MBD5: variants seen among roughly 807,000 people sequenced by gnomAD.
MBD5 encodes the protein methyl-CpG-binding domain protein 5.
Under a neutral mutation model 117.3 loss-of-function variants are expected in MBD5, and 13 were observed. That is an observed-to-expected ratio of 0.11 (90% CI 0.07 to 0.18). The LOEUF (loss-of-function observed/expected upper bound fraction) is 0.18. MBD5 is among the 10% of genes least tolerant of loss of function. The pLI, the probability that MBD5 is intolerant of heterozygous loss-of-function variation, is 1.00. For synonymous variants in MBD5, 727 were observed against 766.4 expected (o/e 0.95, Z 0.85); for missense variants, 1,879 against 2,093.8 (o/e 0.90, Z 2.00).
Position 148,275,701 on chromosome 2 carries a change from G to A in MBD5, c.-680+42306G>A, listed in dbSNP as rs556544788. Among the ~76,000 whole-genome samples, 109 of 151,924 alleles carry A rather than the reference G, an allele frequency of 7.2e-4. 1 individual carries two copies. Among genetic ancestry groups the A allele is most frequent in the African/African-American group, 2.3e-3 (96 of 41,476 alleles). ...CAGCAACATTTAGACTGGTGTTTGAGCAAGGAACTGTGCACCATAGCCTAG... is the reference window on the plus strand; with the variant it reads ...CAGCAACATTTAGACTGGTGTTTGAACAAGGAACTGTGCACCATAGCCTAG... On this transcript the variant is annotated intron_variant, in intron 3 of 13. Transcript: ENST00000642680.
At position 148,439,779 on chromosome 2, in the gene MBD5, G is replaced by A. The variant is rs80180243; in HGVS notation, c.-556-18424G>A. Reference sequence around the variant, plus strand: ...TTTAGAGATGCAGTTTAGCCCTGTCGCCCAACTGAAGTGCAGTGGTATGAT... The same window carrying A: ...TTTAGAGATGCAGTTTAGCCCTGTCACCCAACTGAAGTGCAGTGGTATGAT... On this transcript the variant is annotated intron_variant, in intron 4 of 13. Transcript: ENST00000642680. 1.2e-4 allele frequency among the ~76,000 whole-genome samples: 16 copies of A among 136,720 alleles called. No individual in the cohort carries two copies. The East Asian group carries it at 2.1e-3, about 18-fold the overall frequency. 89.7% of individuals were successfully genotyped at this position (136,720 alleles called of 152,430 possible).
At chr2:148,154,375 C>T (rs1192976860) in intron 1 of MBD5, among the ~76,000 whole-genome samples, 5 of 151,674 alleles carry the variant, frequency 3.3e-5, no homozygotes, top group Non-Finnish European at 5.9e-5. Flanking sequence ...GAGGTTACTG[C>T]TGTCTTTTTG....
intron 4 of MBD5, among the ~76,000 whole-genome samples, chr2:148,401,354 CA>C (rs141112421): frequency 1.3e-3 from 189 of 147,250 alleles, no homozygotes; most frequent in Admixed American, 1.9e-3. Context: ...TTTTCCTTTT[CA>C]AAAAAAAAAC....
In MBD5 at chr2:148,238,108, A is replaced by G. The variant is rs75711877; in HGVS notation, c.-680+4713A>G. 9.2e-3 allele frequency among the ~76,000 whole-genome samples: 1,409 copies of G among 152,328 alleles called. 18 individuals are homozygous for G. The highest frequency in any genetic ancestry group is 0.032 in the African/African-American group (1,349 of 41,570). ...TTCTTCATAGCAAGCTCAATTCTTA[A>G]AAAAGAACAATGAATTTGCTCATTC... On this transcript the variant is annotated intron_variant, in intron 3 of 13. Transcript: ENST00000642680.
rs544644706 is a variant in MBD5, at chr2:148,151,255, C to T, written c.-924-27445C>T. ...GTGCTGGATTACATTTATTGATTTGCATATATTGAACCAGCCTTGCATCCC... is the reference window on the plus strand; with the variant it reads ...GTGCTGGATTACATTTATTGATTTGTATATATTGAACCAGCCTTGCATCCC... On this transcript the variant is annotated intron_variant, in intron 1 of 13. Transcript: ENST00000642680. Among the ~76,000 whole-genome samples the T allele has an allele frequency of 2.6e-5, 4 of 151,964 alleles. No individual in the cohort carries two copies. The South Asian group carries it at 8.3e-4, about 32-fold the overall frequency.
intron 8 of MBD5, among the ~76,000 whole-genome samples, chr2:148,476,738 C>T (rs912257876): frequency 6.6e-6 from 1 of 152,254 alleles, no homozygotes; most frequent in Admixed American, 6.5e-5. Context: ...CTAGGATGTG[C>T]TAGGCACTGT....
At chr2:148,102,803 C>T (rs1696266684) in intron 1 of MBD5, among the ~76,000 whole-genome samples, 2 of 146,584 alleles carry the variant, frequency 1.4e-5, no homozygotes, top group Non-Finnish European at 1.5e-5. Flanking sequence ...TTGTATAGGG[C>T]ATTTGTAGGA....
chr2:148,171,679 A>G (rs1234788067), intron 1 of MBD5, among the ~76,000 whole-genome samples: 1 of 152,192 alleles, frequency 6.6e-6, no homozygotes, highest in Admixed American at 6.5e-5. Context: ...TAGTAAAACT[A>G]TTGCTGTTTG....
In MBD5 at chr2:148,468,626, G is replaced by A; in HGVS notation, c.683G>A (p.Gly228Asp). The stretch of plus-strand genomic sequence containing the variant: ...GGCCTGCCCAGCCCAGCGTCATCAG[G>A]TTCCCAGATATATGGAGATGGTTCA... ...HGGLPSPASSGSQIYGDGSIS... is the reference protein window; with the variant it reads ...HGGLPSPASSDSQIYGDGSIS... Residue 228 changes from glycine to aspartate, a missense_variant, in exon 8 of 14, where the codon GGT becomes GAT. Physicochemically the swap from Gly to Asp is moderately conservative, Grantham distance 94. Transcript: ENST00000642680. 3 of 1,613,892 alleles carry A rather than the reference G, an allele frequency of 1.9e-6. No homozygotes were observed. Among genetic ancestry groups the A allele is most frequent in the Non-Finnish European group, 2.5e-6 (3 of 1,179,870 alleles).
intron 3 of MBD5, among the ~76,000 whole-genome samples, chr2:148,327,481 G>A (rs56236065): frequency 6.6e-5 from 10 of 152,238 alleles, no homozygotes; most frequent in East Asian, 3.9e-4. Flanking sequence ...AGGTACACCA[G>A]TCAGACGTAG....
chr2:148,474,523 T>C (rs112412535), intron 8 of MBD5, among the ~76,000 whole-genome samples: 1 of 152,112 alleles, frequency 6.6e-6, no homozygotes, highest in African/African-American at 2.4e-5. Flanking sequence ...TGTTCTCTTA[T>C]TTTTTCCTAA....
At chr2:148,210,674 T>A (rs1020739242) in intron 2 of MBD5, among the ~76,000 whole-genome samples, 1 of 152,028 alleles carries the variant, frequency 6.6e-6, no homozygotes, top group African/African-American at 2.4e-5. Flanking sequence ...TTTATTTTAC[T>A]TATATTGCTT....
intron 4 of MBD5, among the ~76,000 whole-genome samples, chr2:148,448,592 C>T (rs2105465528): frequency 6.6e-6 from 1 of 151,648 alleles, no homozygotes; most frequent in African/African-American, 2.4e-5. Flanking sequence ...ATTGATTAAT[C>T]CAAGTAGGAA....
chr2:148,126,489 T>C (rs1321055835), intron 1 of MBD5, among the ~76,000 whole-genome samples: 1 of 152,088 alleles, frequency 6.6e-6, no homozygotes, highest in African/African-American at 2.4e-5. Flanking sequence ...ATTTTAGTTA[T>C]TAGATGGCTA....
At chr2:148,126,147 G>A (rs1481737181) in intron 1 of MBD5, among the ~76,000 whole-genome samples, 3 of 152,024 alleles carry the variant, frequency 2.0e-5, no homozygotes, top group African/African-American at 7.3e-5. Context: ...GTAATCCCAA[G>A]CCCTTTGGGA....
At chr2:148,140,166 C>T (rs529533704) in intron 1 of MBD5, among the ~76,000 whole-genome samples, 3 of 152,126 alleles carry the variant, frequency 2.0e-5, no homozygotes, top group Non-Finnish European at 4.4e-5. Context: ...CATTTCAGTG[C>T]TCTTTTTACC....
At chr2:148,322,841 T>C (rs1702319582) in intron 3 of MBD5, among the ~76,000 whole-genome samples, 1 of 151,950 alleles carries the variant, frequency 6.6e-6, no homozygotes, top group South Asian at 2.1e-4. Flanking sequence ...TATATCTTTA[T>C]TTATTTATTT....
intron 3 of MBD5, among the ~76,000 whole-genome samples, chr2:148,304,819 T>C (rs1489486437): frequency 6.6e-6 from 1 of 152,068 alleles, no homozygotes; most frequent in Non-Finnish European, 1.5e-5. Context: ...TCCCAGCACT[T>C]TGGGAGGCCG....
chr2:148,471,578 G>A (rs541777806), intron 8 of MBD5: 1 of 152,212 alleles, frequency 6.6e-6, no homozygotes, highest in South Asian at 2.1e-4. Context: ...TAACCCACAT[G>A]TCTTTGTTGC....
Sources: allele counts gnomAD v4.1 joint callset (sites outside exome capture counted in the v4.1 genomes callset), GRCh38; gene constraint gnomAD v4.1.1; transcripts MANE v1.5; gene names NCBI Gene and HGNC (gene_info 2026-07-23, HGNC 2026-07-21).